Variants in MAEA observed in about 807,000 individuals in gnomAD.
MAEA encodes macrophage erythroblast attacher, E3 ubiquitin ligase, also known as E3 ubiquitin-protein transferase MAEA.
In MAEA, 22 loss-of-function variants were observed where a neutral mutation model predicts 46.2. The observed-to-expected ratio is 0.48, with a 90% CI of 0.34 to 0.68. The LOEUF (loss-of-function observed/expected upper bound fraction) is 0.68. Among genes scored for constraint, MAEA ranks in the 30% least tolerant of loss-of-function variants. The probability of loss-of-function intolerance (pLI) is 0.01; values close to 1 mark genes in which losing one functional copy is unlikely to be tolerated. For missense variants in MAEA, 393 were observed against 558.1 expected (o/e 0.70, Z 2.98); for synonymous variants, 246 against 222.6 (o/e 1.11, Z -0.94).
intron 7 of MAEA, chr4:1,338,067 A>G (rs538749539): frequency 1.4e-4 from 35 of 248,594 alleles, no homozygotes; most frequent in South Asian, 9.2e-4. Flanking sequence ...GTGCTTGCCC[A>G]CTGCCTGTTC....
At chr4:1,327,799 T>A in intron 5 of MAEA, 96 bp downstream of exon 5, 1 of 868,758 alleles carries the variant, frequency 1.2e-6, no homozygotes, top group Non-Finnish European at 1.6e-6. Context: ...TCCTGGGACG[T>A]CCCCTGGGTC....
intron 6 of MAEA, among the ~76,000 whole-genome samples, chr4:1,334,472 A>G (rs1712483269): frequency 6.6e-6 from 1 of 152,196 alleles, no homozygotes; most frequent in Admixed American, 6.5e-5. Context: ...GTGGGGTCTG[A>G]GCTTCCCAGA....
Position 1,337,904 on chromosome 4 carries a change from G to A in MAEA, c.900-518G>A, listed in dbSNP as rs567440372. 1.7e-3 allele frequency: 290 copies of A among 171,436 alleles called. 3 individuals carry two copies. Among genetic ancestry groups the A allele is most frequent in the African/African-American group, 6.4e-3 (266 of 41,776 alleles). The allele number at this position is 171,436 out of a possible 1,614,324, so 10.6% of individuals were successfully genotyped here. A position where few individuals can be genotyped will look rare whatever the true frequency, so the allele number is the denominator to read the frequency against. On this transcript the variant is annotated intron_variant, in intron 7 of 8. Coordinates refer to ENST00000303400, the MANE Select transcript of MAEA (RefSeq NM_001017405.3). Reference sequence around the variant, plus strand: ...TCCTCCTGCAACTGACTCTGTCCCCGCCTATGAATGTCTTTCATGTGACCT... The same window carrying A: ...TCCTCCTGCAACTGACTCTGTCCCCACCTATGAATGTCTTTCATGTGACCT...
At chr4:1,328,541 C>A in intron 5 of MAEA, 1 of 1,042,556 alleles carries the variant, frequency 9.6e-7, no homozygotes, top group Non-Finnish European at 1.2e-6. Context: ...TGGCCCTCAG[C>A]TCCCGGGCGA....
chr4:1,318,614 G>A (rs370517538), intron 3 of MAEA, among the ~76,000 whole-genome samples: 43 of 152,302 alleles, frequency 2.8e-4, no homozygotes, highest in East Asian at 9.7e-4. Flanking sequence ...TCCGGAGGGC[G>A]TTGAGCTGAG....
At chr4:1,300,349 G>A (rs558737609) in intron 1 of MAEA, among the ~76,000 whole-genome samples, 2 of 152,362 alleles carry the variant, frequency 1.3e-5, no homozygotes, top group East Asian at 3.9e-4. Flanking sequence ...GGGACACCAA[G>A]AAGGGCTGGG....
At chr4:1,336,232 C>T (rs1712740001) in intron 6 of MAEA, among the ~76,000 whole-genome samples, 1 of 151,658 alleles carries the variant, frequency 6.6e-6, no homozygotes, top group African/African-American at 2.4e-5. Context: ...AGAGTTAAGT[C>T]AGCCCTTGTC....
rs373957633 is a variant in MAEA, at chr4:1,326,908, G to C, written c.580-719G>C. Among the ~76,000 whole-genome samples the C allele has an allele frequency of 5.6e-4, 85 of 152,090 alleles. 1 individual carries two copies. The South Asian group carries it at 0.015, about 27-fold the overall frequency. On this transcript the variant is annotated intron_variant, in intron 4 of 8. Coordinates refer to ENST00000303400, the MANE Select transcript of MAEA (RefSeq NM_001017405.3). Reference sequence around the variant, plus strand: ...AGGCGCTCCCCGCCCTACCGACCTGGGTCCTGCCTGCTGCAAGCTTGCTTC... The same window carrying C: ...AGGCGCTCCCCGCCCTACCGACCTGCGTCCTGCCTGCTGCAAGCTTGCTTC...
chr4:1,311,117 T>TG lies in MAEA; in HGVS notation c.70-860dup, dbSNP rs1252662856. 6.6e-6 allele frequency among the ~76,000 whole-genome samples: 1 copy of TG among 152,200 alleles called. No individual in the cohort carries two copies. The highest frequency in any genetic ancestry group is 2.4e-5 in the African/African-American group (1 of 41,462). On this transcript the variant is annotated intron_variant, in intron 1 of 8. Coordinates refer to ENST00000303400, the MANE Select transcript of MAEA (RefSeq NM_001017405.3). The surrounding 1 kb of genome is among the most constrained non-coding windows in gnomAD (Gnocchi z 4.4). ...AGGAGGCGAGGTGGAGCGCTTGTTC[T>TG]GGCACAGCTGCGACGGCAGAGTTGG...
At position 1,332,733 on chromosome 4, in the gene MAEA, A is replaced by T. The variant is rs1244450366; in HGVS notation, c.657-24A>T. 4 of 1,586,226 alleles carry T rather than the reference A, an allele frequency of 2.5e-6. No homozygotes were observed. In the East Asian group the frequency reaches 9.0e-5, roughly 36 times the overall value. ...AGTTAAAATTAAAACGCAAACTTAA[A>T]TGTGCCAAAATGTTGTTTTTTAGAC... On this transcript the variant is annotated intron_variant, in intron 5 of 8. Transcript: ENST00000303400.
chr4:1,329,246 C>T (rs536356117), intron 5 of MAEA: 4 of 982,814 alleles, frequency 4.1e-6, no homozygotes, highest in South Asian at 9.4e-5. Context: ...ACCCTGGCTC[C>T]GTGTAGGGTC....
intron 6 of MAEA, chr4:1,335,524 G>A (rs1277520179): frequency 2.3e-6 from 2 of 887,328 alleles, no homozygotes; most frequent in African/African-American, 1.8e-5. Flanking sequence ...CCCATGGCGT[G>A]TTGAAACCAC....
intron 1 of MAEA, among the ~76,000 whole-genome samples, chr4:1,307,553 C>T (rs576651877): frequency 2.6e-5 from 4 of 152,280 alleles, no homozygotes; most frequent in South Asian, 2.1e-4. Flanking sequence ...CCCAGGGGGA[C>T]GGAACTCATA....
intron 1 of MAEA, among the ~76,000 whole-genome samples, chr4:1,308,693 G>A (rs889923264): frequency 1.3e-5 from 2 of 152,182 alleles, no homozygotes; most frequent in Non-Finnish European, 2.9e-5. Context: ...GTCATGTGCC[G>A]CTTGGCCATT....
chr4:1,321,088 A>T (rs1738023664), intron 3 of MAEA, among the ~76,000 whole-genome samples: 1 of 152,308 alleles, frequency 6.6e-6, no homozygotes, highest in South Asian at 2.1e-4. Flanking sequence ...CGGCAGAGCG[A>T]GACTCCGTCT....
At chr4:1,316,972 GGCCCCACACTCTAGACTCACCCC>G (rs1737287146) in intron 3 of MAEA, among the ~76,000 whole-genome samples, 6 of 104,052 alleles carry the variant, frequency 5.8e-5, no homozygotes, top group Non-Finnish European at 7.7e-5. Flanking sequence ...GGCCCACCAC[GGCCCCACACTCTAGACTCACCCC>G]CAGGCCCACC....
chr4:1,332,968 C>T, intron 6 of MAEA, 103 bp downstream of exon 6: 4 of 735,086 alleles, frequency 5.4e-6, no homozygotes, highest in Non-Finnish European at 6.6e-6. Context: ...CGTGAGGGCC[C>T]CATCCCAGCC....
chr4:1,298,431 C>G (rs1008422750), intron 1 of MAEA, among the ~76,000 whole-genome samples: 1 of 152,068 alleles, frequency 6.6e-6, no homozygotes, highest in African/African-American at 2.4e-5. Flanking sequence ...GAGGCACACG[C>G]GCCGTCTTCT....
At chr4:1,304,557 C>T (rs1230105511) in intron 1 of MAEA, among the ~76,000 whole-genome samples, 1 of 152,210 alleles carries the variant, frequency 6.6e-6, no homozygotes, top group Non-Finnish European at 1.5e-5. Context: ...TCTCCTGCCT[C>T]AGCCTCCCGA....
Sources: gnomAD v4.1 joint callset for allele counts (sites outside exome capture counted in the v4.1 genomes callset) on GRCh38, gnomAD v4.1.1 for gene constraint, Gnocchi (gnomAD v3.1) non-coding constraint, MANE v1.5 for transcripts, NCBI Gene and HGNC (gene_info 2026-07-23, HGNC 2026-07-21) for gene names.